The following TGIF1 variants were observed in gnomAD, a reference collection of about 807,000 sequenced individuals.
The protein encoded by TGIF1 is homeobox protein TGIF1.
In TGIF1, 4 loss-of-function variants were observed where a neutral mutation model predicts 19.3. That is an observed-to-expected ratio of 0.21 (90% CI 0.10 to 0.47). TGIF1 has a LOEUF of 0.47. Ranked by LOEUF, TGIF1 falls within the 20% of genes least tolerant of loss-of-function variation. The pLI is 0.98. For missense variants in TGIF1, 275 were observed against 341.4 expected, an observed-to-expected ratio of 0.81 and a Z score of 1.53; for synonymous variants, 122 against 129.3, an observed-to-expected ratio of 0.94 and a Z score of 0.38.
chr18:3,429,567 G>A (rs987647244), intron 2 of TGIF1, among the ~76,000 whole-genome samples: 2 of 152,160 alleles, frequency 1.3e-5, no homozygotes, highest in Non-Finnish European at 2.9e-5. Flanking sequence ...ACCGAATCGA[G>A]TCAGAGAAGA....
At chr18:3,423,251 G>GA (rs1191938853) in intron 2 of TGIF1, among the ~76,000 whole-genome samples, 1 of 152,022 alleles carries the variant, frequency 6.6e-6, no homozygotes, top group Non-Finnish European at 1.5e-5. Flanking sequence ...TTGTACTATT[G>GA]AAAAAATAGG....
chr18:3,456,924 C>A lies in TGIF1; in HGVS notation c.243+344C>A, dbSNP rs1054704689. The A allele has an allele frequency of 1.7e-6, 1 of 592,544 alleles. No homozygotes were observed. The highest frequency in any genetic ancestry group is 3.0e-6 in the Non-Finnish European group (1 of 336,284). 36.7% of individuals were successfully genotyped at this position (592,544 alleles called of 1,614,324 possible). A position where few individuals can be genotyped will look rare whatever the true frequency, so the allele number is the denominator to read the frequency against. Reference sequence around the variant, plus strand: ...AGGTAATTCATGTTATGTCTGTTGACACAGTCATTTGAACTGGGAAAAATC... The same window carrying A: ...AGGTAATTCATGTTATGTCTGTTGAAACAGTCATTTGAACTGGGAAAAATC... On this transcript the variant is annotated intron_variant, in intron 2 of 2. Coordinates refer to ENST00000343820, the MANE Select transcript of TGIF1 (RefSeq NM_003244.4). The surrounding 1 kb of genome is among the most constrained non-coding windows in gnomAD (Gnocchi z 4.2).
intron 2 of TGIF1, among the ~76,000 whole-genome samples, chr18:3,442,988 T>G (rs1240224298): frequency 6.6e-6 from 1 of 152,214 alleles, no homozygotes; most frequent in African/African-American, 2.4e-5. Flanking sequence ...TGGAGGCAAT[T>G]TGGCAATATC....
At chr18:3,446,936 ATTG>A (rs1213223816), upstream of TGIF1, among the ~76,000 whole-genome samples, 4 of 152,202 alleles carry the variant, frequency 2.6e-5, no homozygotes, top group Non-Finnish European at 4.4e-5. Context: ...TGCTTTATCA[ATTG>A]TTGTTGAGTA....
intron 2 of TGIF1, among the ~76,000 whole-genome samples, chr18:3,427,955 C>T (rs1397269209): frequency 2.0e-5 from 3 of 152,204 alleles, no homozygotes; most frequent in Admixed American, 6.5e-5. Flanking sequence ...CTATGGCTGC[C>T]GTTCTCAAAA....
intron 2 of TGIF1, among the ~76,000 whole-genome samples, chr18:3,445,109 G>A (rs2082723106): frequency 6.6e-6 from 1 of 152,106 alleles, no homozygotes; most frequent in Admixed American, 6.6e-5. Flanking sequence ...ACGTCAATAG[G>A]GCTGTGGTTG....
intron 1 of TGIF1, among the ~76,000 whole-genome samples, chr18:3,416,209 G>C (rs920758813): frequency 1.3e-5 from 2 of 152,300 alleles, no homozygotes; most frequent in Non-Finnish European, 2.9e-5. Context: ...GAGGAAGCTT[G>C]GACGTTAGGT....
chr18:3,450,521 G>A lies in TGIF1; in HGVS notation c.16+16G>A. The stretch of plus-strand genomic sequence containing the variant: ...GGCAAGAAAGGTAAGGCGGCCGCGG[G>A]CTGCGCGCACCAGAAGACGCGAGTC... On this transcript the variant is annotated intron_variant, in intron 1 of 2. Coordinates refer to ENST00000343820, the MANE Select transcript of TGIF1 (RefSeq NM_003244.4). 1 of 1,559,960 alleles carries A rather than the reference G, an allele frequency of 6.4e-7. No homozygotes were observed. Among genetic ancestry groups the A allele is most frequent in the Non-Finnish European group, 8.7e-7 (1 of 1,152,396 alleles).
upstream of TGIF1, chr18:3,448,332 A>G: frequency 1.0e-6 from 1 of 984,996 alleles, no homozygotes; most frequent in Non-Finnish European, 1.2e-6. Context: ...GCCACAGACA[A>G]CCCTTCAAAC....
At chr18:3,448,191 G>C (rs1416131975), upstream of TGIF1, 2 of 983,822 alleles carry the variant, frequency 2.0e-6, no homozygotes, top group African/African-American at 3.5e-5. Flanking sequence ...CCCAGTAACC[G>C]CCCGGTTCCA....
intron 2 of TGIF1, among the ~76,000 whole-genome samples, chr18:3,436,867 G>A (rs953465471): frequency 2.0e-5 from 3 of 151,802 alleles, no homozygotes; most frequent in Admixed American, 6.6e-5. Context: ...CACTCTGGGA[G>A]GCCGAGGTGG....
intron 2 of TGIF1, among the ~76,000 whole-genome samples, chr18:3,434,019 C>T (rs2082584505): frequency 6.6e-6 from 1 of 152,178 alleles, no homozygotes; most frequent in Non-Finnish European, 1.5e-5. Flanking sequence ...TCTATAAAAA[C>T]ATTTAAGGAA....
rs1224070523 is a variant in TGIF1 at position 3,459,422 on chromosome 18, T to C, written c.*1482T>C. ...AAAATTAGGTGAGGGAATGTTGTGCTCTAGCCTGTGGGGTGCAGCTTCGTA... is the reference window on the plus strand; with the variant it reads ...AAAATTAGGTGAGGGAATGTTGTGCCCTAGCCTGTGGGGTGCAGCTTCGTA... On this transcript the variant is annotated 3_prime_UTR_variant, in exon 3 of 3. Coordinates refer to ENST00000343820, the MANE Select transcript of TGIF1 (RefSeq NM_003244.4). 1 of 152,206 alleles carries C rather than the reference T, an allele frequency of 6.6e-6. No homozygotes were observed. The highest frequency in any genetic ancestry group is 2.4e-5 in the African/African-American group (1 of 41,454). The allele number at this position is 152,206 out of a possible 1,614,324, so 9.4% of individuals were successfully genotyped here.
Position 3,434,719 on chromosome 18 carries a change from C to T in TGIF1, c.-45+16504C>T, listed in dbSNP as rs151039052. 2.5e-3 allele frequency among the ~76,000 whole-genome samples: 376 copies of T among 151,984 alleles called. 1 individual carries two copies. Among genetic ancestry groups the T allele is most frequent in the Non-Finnish European group, 4.8e-3 (329 of 67,966 alleles). On this transcript the variant is annotated intron_variant, in intron 2 of 3. Transcript: ENST00000401449. ...GACAGAGTGAGACTGTCTCAGAAAA[C>T]GAAAATAAATAAGTAAATATAGTTA... is the stretch of plus-strand genomic sequence containing the variant.
In TGIF1 at chr18:3,457,546, A is replaced by C; in HGVS notation, c.425A>C (p.His142Pro). Residue 142 changes from histidine to proline, a missense_variant, in exon 3 of 3, where the codon CAT becomes CCT. Transcript: ENST00000343820. The surrounding 1 kb of genome is among the most constrained non-coding windows in gnomAD (Gnocchi z 4.9). ...FMPALEETPFHSCTAGPNPTL... is the reference protein window; with the variant it reads ...FMPALEETPFPSCTAGPNPTL... ...CCAGCTCTAGAGGAGACCCCATTTCATTCCTGTACAGCTGGGCCAAACCCA... is the reference window on the plus strand; with the variant it reads ...CCAGCTCTAGAGGAGACCCCATTTCCTTCCTGTACAGCTGGGCCAAACCCA... The C allele has an allele frequency of 1.9e-6, 3 of 1,614,166 alleles. No homozygotes were observed. The highest frequency in any genetic ancestry group is 2.5e-6 in the Non-Finnish European group (3 of 1,180,030).
chr18:3,444,286 C>CTTTTTTTTT (rs57205118), intron 2 of TGIF1, among the ~76,000 whole-genome samples: 3 of 122,188 alleles, frequency 2.5e-5, no homozygotes, highest in African/African-American at 3.8e-5. Flanking sequence ...ACTTTCTTTT[C>CTTTTTTTTT]TTTTTTTTTT....
chr18:3,450,556 G>C (rs762236011), intron 1 of TGIF1, 51 bp downstream of exon 1: 10 of 1,551,736 alleles, frequency 6.4e-6, no homozygotes, highest in Non-Finnish European at 8.7e-6. Flanking sequence ...CCGGGGAAAC[G>C]TGCTGGCCGG....
chr18:3,438,850 G>C (rs1284412640), intron 2 of TGIF1, among the ~76,000 whole-genome samples: 5 of 151,974 alleles, frequency 3.3e-5, no homozygotes, highest in Non-Finnish European at 5.9e-5. Context: ...TTCTGTGATT[G>C]GTCTAAAATA....
intron 2 of TGIF1, among the ~76,000 whole-genome samples, chr18:3,443,884 A>G (rs2082705814): frequency 6.6e-6 from 1 of 151,828 alleles, no homozygotes; most frequent in African/African-American, 2.4e-5. Context: ...AAAGAAGGAA[A>G]GTATTTGCAT....
Sources: gnomAD v4.1 joint callset for allele counts (sites outside exome capture counted in the v4.1 genomes callset) on GRCh38, gnomAD v4.1.1 for gene constraint, Gnocchi (gnomAD v3.1) non-coding constraint, MANE v1.5 for transcripts, NCBI Gene and HGNC (gene_info 2026-07-23, HGNC 2026-07-21) for gene names.